HSPA9: variants seen among roughly 807,000 people sequenced by gnomAD.
HSPA9 encodes the protein stress-70 protein, mitochondrial.
Under a neutral mutation model 81.5 loss-of-function variants are expected in HSPA9, and 28 were observed. The ratio of observed to expected loss-of-function variants is 0.34; its 90% CI spans 0.25 to 0.47. The LOEUF (loss-of-function observed/expected upper bound fraction) is 0.47. Ranked by LOEUF, HSPA9 falls within the 20% of genes least tolerant of loss-of-function variation. HSPA9 has a pLI of 1.00. For synonymous variants in HSPA9, 293 were observed against 290.4 expected (o/e 1.01, Z -0.09); for missense variants, 678 against 838.0 (o/e 0.81, Z 2.36).
chr5:138,560,023 C>T lies in HSPA9; in HGVS notation c.1251G>A (p.Val417=), dbSNP rs1750620341. ...PSKAVNPDEA[V]AIGAAIQGGV... is the part of the protein sequence containing the mutation. ...CTCCCTGAATGGCAGCTCCAATGGC[C>T]ACAGCCTCATCAGGATTGACAGCTT... The change falls in exon 11 of 17, where the codon GTG becomes GTA. Residue 417 remains valine, a synonymous_variant. Coordinates refer to ENST00000297185, the MANE Select transcript of HSPA9 (RefSeq NM_004134.7). 1 of 1,614,070 alleles carries T rather than the reference C, an allele frequency of 6.2e-7. No homozygotes were observed.
intron 5 of HSPA9, 126 bp from the exon 6 acceptor site, chr5:138,567,848 T>C (rs1750798232): frequency 2.7e-6 from 2 of 749,818 alleles, no homozygotes; most frequent in Non-Finnish European, 4.7e-6. Flanking sequence ...AGTGACCTAA[T>C]ATGTCCTTGC....
At chr5:138,574,850 T>C (rs888534154) in intron 1 of HSPA9, 1 of 214,532 alleles carries the variant, frequency 4.7e-6, no homozygotes, top group African/African-American at 2.3e-5. Flanking sequence ...TTTCACCGTA[T>C]CAACGGGATC....
chr5:138,571,518 A>G (rs1354383588), intron 3 of HSPA9, among the ~76,000 whole-genome samples: 1 of 152,140 alleles, frequency 6.6e-6, no homozygotes, highest in Non-Finnish European at 1.5e-5. Flanking sequence ...CATTTAAGAC[A>G]CAGAAACAGC....
At chr5:138,573,479 G>A (rs1468127284) in intron 3 of HSPA9, among the ~76,000 whole-genome samples, 1 of 151,904 alleles carries the variant, frequency 6.6e-6, no homozygotes, top group African/African-American at 2.4e-5. Flanking sequence ...CAGTGGAACT[G>A]TCTCTACTGA....
At chr5:138,571,266 C>G (rs535686996) in intron 3 of HSPA9, 125 bp from the exon 4 acceptor site, 1 of 924,528 alleles carries the variant, frequency 1.1e-6, no homozygotes, top group South Asian at 1.4e-5. Context: ...CTGCAACCTC[C>G]GCATCCTGGG....
chr5:138,553,828 G>C lies in HSPA9; in HGVS notation c.*2209C>G, dbSNP rs745638766. ...ATGCCATTTAACGGGTTAAACATTT[G>C]TCTCTCTCCAGAAGAGATTAGTATT... On this transcript the variant is annotated 3_prime_UTR_variant, in exon 17 of 17. Coordinates refer to ENST00000297185, the MANE Select transcript of HSPA9 (RefSeq NM_004134.7). Among the ~76,000 whole-genome samples, 8 of 151,676 alleles carry C rather than the reference G, an allele frequency of 5.3e-5. No individual in the cohort carries two copies. Among genetic ancestry groups the C allele is most frequent in the East Asian group, 1.9e-4 (1 of 5,198 alleles).
At chr5:138,560,599 C>T (rs996682725) in intron 10 of HSPA9, among the ~76,000 whole-genome samples, 2 of 147,594 alleles carry the variant, frequency 1.4e-5, no homozygotes, top group East Asian at 2.0e-4. Flanking sequence ...CTCGCTGTGT[C>T]GCTCAGGCTG....
intron 3 of HSPA9, 39 bp downstream of exon 3, chr5:138,573,724 C>T (rs1292362113): frequency 2.6e-6 from 3 of 1,150,002 alleles, no homozygotes; most frequent in Admixed American, 1.8e-5. Flanking sequence ...GAATTCTGGA[C>T]AGATTCTGGA....
chr5:138,557,089 A>AC, intron 14 of HSPA9: 1 of 612,918 alleles, frequency 1.6e-6, no homozygotes. Flanking sequence ...AGAAATAATA[A>AC]AGGCACTGCA....
At chr5:138,560,706 G>A (rs1166256561) in intron 10 of HSPA9, 2 of 234,234 alleles carry the variant, frequency 8.5e-6, no homozygotes, top group South Asian at 4.4e-5. Context: ...GACTACAGGC[G>A]CCCACCAAAT....
chr5:138,561,930 A>T (rs1750668878), intron 9 of HSPA9, 141 bp from the exon 10 acceptor site: 1 of 722,810 alleles, frequency 1.4e-6, no homozygotes. Flanking sequence ...TTAAATGAAT[A>T]GTCACCAAGA....
Position 138,556,858 on chromosome 5 carries a change from A to G in HSPA9, c.1737T>C (p.Val579=), listed in dbSNP as rs777666731. The G allele has an allele frequency of 1.1e-5, 18 of 1,612,758 alleles. 1 individual carries two copies. In the South Asian group the frequency reaches 1.9e-4, roughly 17 times the overall value. The change falls in exon 15 of 17, where the codon GTT becomes GTC. Residue 579 remains valine (V), a synonymous_variant. Transcript: ENST00000297185. ...AEEDRRKKER[V]EAVNMAEGII... is the part of the protein sequence containing the mutation. ...TTCCTTCAGCCATATTAACTGCTTC[A>G]ACTCGTTCCTTAGAGAAATTAGAAG...
At chr5:138,569,316 G>A (rs1750828886) in intron 4 of HSPA9, among the ~76,000 whole-genome samples, 1 of 152,150 alleles carries the variant, frequency 6.6e-6, no homozygotes, top group Non-Finnish European at 1.5e-5. Flanking sequence ...TAGCGCCCCA[G>A]GCAGAAGATT....
chr5:138,564,901 G>C lies in HSPA9; in HGVS notation c.972+1725C>G, dbSNP rs561689444. ...TTAATAAGCAATACAAGGGGGACTT[G>C]AACCCCAGCAGAATGCTTGCAGAAC... On this transcript the variant is annotated intron_variant, in intron 9 of 16. Transcript: ENST00000297185. 2.6e-5 allele frequency among the ~76,000 whole-genome samples: 4 copies of C among 152,306 alleles called. No homozygotes were observed. In the East Asian group the frequency reaches 7.7e-4, roughly 29 times the overall value.
intron 9 of HSPA9, 89 bp from the exon 10 acceptor site, chr5:138,561,878 G>A (rs192156452): frequency 2.3e-5 from 24 of 1,021,846 alleles, no homozygotes; most frequent in African/African-American, 3.2e-5. Flanking sequence ...CCATGCCCTA[G>A]GACAGAAGAC....
intron 9 of HSPA9, among the ~76,000 whole-genome samples, chr5:138,566,078 T>C (rs1232663344): frequency 1.3e-5 from 2 of 151,266 alleles, no homozygotes; most frequent in African/African-American, 4.9e-5. Flanking sequence ...TCCCAGCTAC[T>C]TGGGAGGTCG....
Position 138,554,142 on chromosome 5 carries a change from A to G in HSPA9, c.*1895T>C, listed in dbSNP as rs1401414132. Among the ~76,000 whole-genome samples, 2 of 152,184 alleles carry G rather than the reference A, an allele frequency of 1.3e-5. No homozygotes were observed. Among genetic ancestry groups the G allele is most frequent in the East Asian group, 1.9e-4 (1 of 5,206 alleles). On this transcript the variant is annotated 3_prime_UTR_variant, in exon 17 of 17. Transcript: ENST00000297185. ...CATATACCTTCTTGCTATTTATGCT[A>G]TTAGCTTTACTGATAGGTGACTGAA...
At position 138,557,294 on chromosome 5, in the gene HSPA9, C is replaced by T. The variant is rs1004965632; in HGVS notation, c.1728+108G>A. On this transcript the variant is annotated intron_variant, in intron 14 of 16. Coordinates refer to ENST00000297185, the MANE Select transcript of HSPA9 (RefSeq NM_004134.7). ...ACGATCTGCCCACCTTGGCAGTGGGCTTACAGTGCTGGGATTACAGGAGTG... is the reference window on the plus strand; with the variant it reads ...ACGATCTGCCCACCTTGGCAGTGGGTTTACAGTGCTGGGATTACAGGAGTG... The T allele has an allele frequency of 1.8e-5, 14 of 799,332 alleles. No homozygotes were observed. In the Admixed American group the frequency reaches 2.4e-4, roughly 14 times the overall value. The allele number at this position is 799,332 out of a possible 1,614,324, so 49.5% of individuals were successfully genotyped here.
At position 138,557,442 on chromosome 5, in the gene HSPA9, T is replaced by G. The variant is rs1750553414; in HGVS notation, c.1688A>C (p.Lys563Thr). 6.2e-7 allele frequency: 1 copy of G among 1,611,324 alleles called. No individual in the cohort carries two copies. Among genetic ancestry groups the G allele is most frequent in the African/African-American group, 1.3e-5 (1 of 74,886 alleles). ...LSKDDIENMV[K>T]NAEKYAEEDR... The stretch of plus-strand genomic sequence containing the variant: ...TTCTTCAGCATATTTCTCTGCATTT[T>G]TAACCATATTTTCAATATCATCTTT... Residue 563 changes from lysine (K) to threonine (T), a missense_variant, in exon 14 of 17, where the codon AAA becomes ACA. Physicochemically the swap from Lys to Thr is moderately conservative, Grantham distance 78. Around this residue, in one of 4 missense-constraint regions of HSPA9, gnomAD observed 484 missense variants for 647.5 expected, o/e 0.75. Coordinates refer to ENST00000297185, the MANE Select transcript of HSPA9 (RefSeq NM_004134.7).
Sources: allele counts gnomAD v4.1 joint callset (sites outside exome capture counted in the v4.1 genomes callset), GRCh38; gene constraint gnomAD v4.1.1; regional missense constraint gnomAD v4.1.1; transcripts MANE v1.5; gene names NCBI Gene and HGNC (gene_info 2026-07-23, HGNC 2026-07-21).